The following TMX1 variants were observed in gnomAD, a reference collection of about 807,000 sequenced individuals.
TMX1 encodes thioredoxin-related transmembrane protein 1.
A neutral mutation model predicts 36.6 loss-of-function variants in TMX1; 25 were observed. The observed-to-expected ratio is 0.68, with a 90% CI of 0.50 to 0.95. TMX1 has a LOEUF of 0.95. TMX1 is among the 40% of genes least tolerant of loss of function. The probability of loss-of-function intolerance (pLI) is 0.00; values close to 1 mark genes in which losing one functional copy is unlikely to be tolerated. For synonymous variants in TMX1, 133 were observed against 118.0 expected, an observed-to-expected ratio of 1.13 and a Z score of -0.82; for missense variants, 347 against 339.6, an observed-to-expected ratio of 1.02 and a Z score of -0.17.
At chr14:51,245,080 G>A (rs981208554) in intron 2 of TMX1, among the ~76,000 whole-genome samples, 1 of 152,140 alleles carries the variant, frequency 6.6e-6, no homozygotes, top group Non-Finnish European at 1.5e-5. Flanking sequence ...ATTTAAAAAT[G>A]TATTCAGTAC....
intron 1 of TMX1, 61 bp from the exon 2 acceptor site, chr14:51,243,795 C>G: frequency 8.6e-7 from 1 of 1,161,972 alleles, no homozygotes; most frequent in South Asian, 2.0e-5. Context: ...TTTTTTATCC[C>G]AAGATAAATG....
intron 1 of TMX1, among the ~76,000 whole-genome samples, chr14:51,240,680 T>A (rs1311740658): frequency 6.6e-6 from 1 of 152,170 alleles, no homozygotes; most frequent in Non-Finnish European, 1.5e-5. Context: ...TTTCGTTTCT[T>A]GGGTTGTGGT....
chr14:51,248,607 G>A (rs1359396625), intron 4 of TMX1, among the ~76,000 whole-genome samples: 2 of 152,106 alleles, frequency 1.3e-5, no homozygotes, highest in Non-Finnish European at 2.9e-5. Flanking sequence ...ACTGATTTTT[G>A]TTCTCTGAAA....
intron 4 of TMX1, among the ~76,000 whole-genome samples, chr14:51,248,925 C>T (rs1004306287): frequency 6.6e-6 from 1 of 152,118 alleles, no homozygotes; most frequent in Non-Finnish European, 1.5e-5. Flanking sequence ...ACAATTGTTT[C>T]CAGTCCTTAC....
chr14:51,251,557 A>G (rs968697437), intron 7 of TMX1, among the ~76,000 whole-genome samples: 3 of 152,182 alleles, frequency 2.0e-5, no homozygotes, highest in African/African-American at 4.8e-5. Flanking sequence ...TAAATGTACC[A>G]AAGTACCTAC....
intron 4 of TMX1, among the ~76,000 whole-genome samples, chr14:51,247,613 T>G (rs1030019064): frequency 2.6e-5 from 4 of 152,186 alleles, no homozygotes; most frequent in Non-Finnish European, 5.9e-5. Flanking sequence ...CACCTCGGCC[T>G]CCCAGAGTGC....
rs2065789688 is a variant in TMX1, at chr14:51,247,207, C to G, written c.430C>G (p.Pro144Ala). Residue 144 changes from proline to alanine, a missense_variant, in exon 4 of 8, where the codon CCA becomes GCA. Transcript: ENST00000457354. ...TGAGCCCGTTTCATCATGGTTTGGT[C>G]CAGGTTCTGTTCTGTAAGTATGAGG... ...SIEPVSSWFGPGSVLMSSMSA... is the reference protein window; with the variant it reads ...SIEPVSSWFGAGSVLMSSMSA... 6.2e-7 allele frequency: 1 copy of G among 1,613,000 alleles called. No individual in the cohort carries two copies. The highest frequency in any genetic ancestry group is 1.3e-5 in the African/African-American group (1 of 74,926).
In TMX1 at chr14:51,254,460, C is replaced by G; in HGVS notation, c.784C>G (p.Pro262Ala). ...ESKEGTNKDF[P>A]QNAIRQRSLG... ...TAAAGAAGGAACAAACAAAGACTTT[C>G]CACAGAATGCCATAAGACAACGCTC... Residue 262 changes from proline to alanine, a missense_variant, in exon 8 of 8, where the codon CCA becomes GCA. Pro to Ala is a conservative substitution (Grantham distance 27). Transcript: ENST00000457354. 6.2e-7 allele frequency: 1 copy of G among 1,611,202 alleles called. No individual in the cohort carries two copies.
chr14:51,241,737 G>C (rs2065762485), intron 1 of TMX1, among the ~76,000 whole-genome samples: 1 of 152,160 alleles, frequency 6.6e-6, no homozygotes, highest in African/African-American at 2.4e-5. Flanking sequence ...CTTGTGTCAC[G>C]AATACAGCAA....
chr14:51,246,532 A>G (rs2065786616), intron 3 of TMX1, among the ~76,000 whole-genome samples: 1 of 152,146 alleles, frequency 6.6e-6, no homozygotes, highest in Admixed American at 6.5e-5. Flanking sequence ...AGAACTTTCT[A>G]CATTGGGAAT....
At chr14:51,246,945 G>T in intron 3 of TMX1, 147 bp from the exon 4 acceptor site, 1 of 586,322 alleles carries the variant, frequency 1.7e-6, no homozygotes, top group Non-Finnish European at 2.6e-6. Context: ...TCATGAGTAG[G>T]TAAATAGTAT....
At chr14:51,253,033 C>T (rs1294493098) in intron 7 of TMX1, among the ~76,000 whole-genome samples, 1 of 152,154 alleles carries the variant, frequency 6.6e-6, no homozygotes, top group Admixed American at 6.5e-5. Context: ...TAGTCACAAT[C>T]TAAGAATAAG....
In TMX1 at chr14:51,254,574, C is replaced by T. The variant is rs2065830167; in HGVS notation, c.*55C>T. ...ATTTTGATAAAAACAGAAGATTGAT[C>T]ATTTTGTTTGGTTTGAAGTGAACTG... On this transcript the variant is annotated 3_prime_UTR_variant, in exon 8 of 8. Transcript: ENST00000457354. The T allele has an allele frequency of 6.7e-7, 1 of 1,495,670 alleles. No individual in the cohort carries two copies. The highest frequency in any genetic ancestry group is 2.3e-5 in the Admixed American group (1 of 43,974). 92.6% of individuals were successfully genotyped at this position (1,495,670 alleles called of 1,614,324 possible).
At chr14:51,249,982 CTT>C (rs1442538798) in intron 7 of TMX1, among the ~76,000 whole-genome samples, 1 of 152,142 alleles carries the variant, frequency 6.6e-6, no homozygotes, top group Admixed American at 6.5e-5. Flanking sequence ...TTTCTTGACT[CTT>C]ATATTATGGG....
At chr14:51,245,216 T>G in intron 2 of TMX1, 97 bp from the exon 3 acceptor site, 2 of 1,366,882 alleles carry the variant, frequency 1.5e-6, no homozygotes, top group Non-Finnish European at 2.0e-6. Flanking sequence ...AATTTCATAT[T>G]CTTTCCTATT....
intron 7 of TMX1, chr14:51,254,094 C>T (rs2065827323): frequency 6.9e-6 from 2 of 290,462 alleles, no homozygotes; most frequent in Admixed American, 1.0e-4. Context: ...TCATTAATTT[C>T]AGTTCAGTTT....
chr14:51,247,662 G>A (rs1046898623), intron 4 of TMX1, among the ~76,000 whole-genome samples: 3 of 152,112 alleles, frequency 2.0e-5, no homozygotes, highest in African/African-American at 7.2e-5. Flanking sequence ...CGGCCTACAT[G>A]TTTGATCTTT....
intron 1 of TMX1, among the ~76,000 whole-genome samples, chr14:51,243,074 T>A (rs1366041747): frequency 1.4e-5 from 2 of 140,672 alleles, no homozygotes; most frequent in Non-Finnish European, 3.0e-5. Flanking sequence ...GCTTTAGGCT[T>A]TATTCTTCCT....
Position 51,254,687 on chromosome 14 carries a change from A to C in TMX1, c.*168A>C, listed in dbSNP as rs1356438907. 8 of 551,512 alleles carry C rather than the reference A, an allele frequency of 1.5e-5. No individual in the cohort carries two copies. Among genetic ancestry groups the C allele is most frequent in the Non-Finnish European group, 1.8e-5 (6 of 330,618 alleles). The allele number at this position is 551,512 out of a possible 1,614,324, so 34.2% of individuals were successfully genotyped here. ...AGAACATAAAAGCACTAGGTATACA[A>C]GTTTGAAATATGATTTAAGCACAGT... On this transcript the variant is annotated 3_prime_UTR_variant, in exon 8 of 8. Transcript: ENST00000457354.
Sources: allele counts gnomAD v4.1 joint callset (sites outside exome capture counted in the v4.1 genomes callset), GRCh38; gene constraint gnomAD v4.1.1; transcripts MANE v1.5; gene names NCBI Gene and HGNC (gene_info 2026-07-23, HGNC 2026-07-21).